The following FUT7 variants were observed in gnomAD, a reference collection of about 807,000 sequenced individuals.
The protein encoded by FUT7 is fucosyltransferase 7, also known as alpha-(1,3)-fucosyltransferase 7.
In FUT7, 2 loss-of-function variants were observed where a neutral mutation model predicts 5.0. The ratio of observed to expected loss-of-function variants is 0.40; its 90% CI spans 0.16 to 1.26. FUT7 has a LOEUF of 1.26. Ranked by LOEUF, FUT7 falls within the 50% of genes most tolerant of loss-of-function variation. FUT7 has a pLI of 0.32. For synonymous variants in FUT7, 218 were observed against 210.6 expected, an observed-to-expected ratio of 1.03 and a Z score of -0.30; for missense variants, 461 against 489.8, an observed-to-expected ratio of 0.94 and a Z score of 0.55.
rs201551388 is a variant in FUT7, at chr9:137,031,738, G to A, written c.14-13C>T. On this transcript the variant is annotated splice_polypyrimidine_tract_variant and intron_variant, in intron 1 of 1. Transcript: ENST00000314412. ...GTGGGGCCGTGCCCTGCAGCAGCAC[G>A]AGGGAGGGGAGGCTCTGTCACTTGG... The A allele has an allele frequency of 2.9e-5, 44 of 1,541,232 alleles. No homozygotes were observed. Among genetic ancestry groups the A allele is most frequent in the South Asian group, 3.6e-5 (3 of 83,982 alleles).
rs971540923 is a variant in FUT7 at position 137,030,535 on chromosome 9, A to G, written c.*175T>C. 11 of 718,952 alleles carry G rather than the reference A, an allele frequency of 1.5e-5. No homozygotes were observed. The highest frequency in any genetic ancestry group is 3.5e-4 in the Middle Eastern group (1 of 2,856). 44.5% of individuals were successfully genotyped at this position (718,952 alleles called of 1,614,324 possible). ...AGCAGGCACCCGTTACCTCCCTCCC[A>G]CTCTCACCTCCTCTGCATGCTCCAG... On this transcript the variant is annotated 3_prime_UTR_variant, in exon 2 of 2. Coordinates refer to ENST00000314412, the MANE Select transcript of FUT7 (RefSeq NM_004479.4).
Position 137,031,294 on chromosome 9 carries a change from T to C in FUT7, c.445A>G (p.Ile149Val). The C allele has an allele frequency of 6.2e-7, 1 of 1,607,490 alleles. No individual in the cohort carries two copies. Among genetic ancestry groups the C allele is most frequent in the Non-Finnish European group, 8.5e-7 (1 of 1,178,304 alleles). ...WVLSYRRDSD[I>V]FVPYGRLEPH... is the part of the protein sequence containing the mutation. ...TCCAGGCGGCCATAGGGCACAAAGATGTCCGAGTCGCGCCGGTAGCTCAGC... is the reference window on the plus strand; with the variant it reads ...TCCAGGCGGCCATAGGGCACAAAGACGTCCGAGTCGCGCCGGTAGCTCAGC... The change falls in exon 2 of 2, where the codon ATC becomes GTC. Residue 149 changes from isoleucine (I) to valine (V), a missense_variant. Coordinates refer to ENST00000314412, the MANE Select transcript of FUT7 (RefSeq NM_004479.4).
chr9:137,031,063 G>C lies in FUT7; in HGVS notation c.676C>G (p.Leu226Val). The C allele has an allele frequency of 1.2e-6, 2 of 1,612,846 alleles. No individual in the cohort carries two copies. The highest frequency in any genetic ancestry group is 1.7e-6 in the Non-Finnish European group (2 of 1,179,982). ...CGGTGCTGAGAGTTCTCAAAGGACA[G>C]GTAGAAGCGGTACTGGGCCACGGTG... ...VPTVAQYRFY[L>V]SFENSQHRDY... The change falls in exon 2 of 2, where the codon CTG (leucine) becomes GTG (valine). Residue 226 changes from leucine to valine, a missense_variant. Physicochemically the swap from Leu to Val is conservative, Grantham distance 32 (BLOSUM62 1). Coordinates refer to ENST00000314412, the MANE Select transcript of FUT7 (RefSeq NM_004479.4).
chr9:137,031,081 C>T lies in FUT7; in HGVS notation c.658G>A (p.Ala220Thr). ...AAGGACAGGTAGAAGCGGTACTGGG[C>T]CACGGTGGGCACCAGGCAGCTGGCG... ...LCASCLVPTV[A>T]QYRFYLSFEN... Residue 220 changes from alanine (A) to threonine (T), a missense_variant, in exon 2 of 2, where the codon GCC becomes ACC. Coordinates refer to ENST00000314412, the MANE Select transcript of FUT7 (RefSeq NM_004479.4). The T allele has an allele frequency of 6.2e-7, 1 of 1,612,780 alleles. No individual in the cohort carries two copies. Among genetic ancestry groups the T allele is most frequent in the Non-Finnish European group, 8.5e-7 (1 of 1,179,934 alleles).
Position 137,031,544 on chromosome 9 carries a change from G to A in FUT7, c.195C>T (p.Ser65=), listed in dbSNP as rs752450622. ...PFTDQPPELP[S]DTCTRYGIAR... Reference sequence around the variant, plus strand: ...CGATGCCGTAGCGGGTGCAGGTGTCGCTGGGCAGCTCTGGGGGCTGGTCAG... The same window carrying A: ...CGATGCCGTAGCGGGTGCAGGTGTCACTGGGCAGCTCTGGGGGCTGGTCAG... The change falls in exon 2 of 2, where the codon AGC becomes AGT. Residue 65 remains serine (S), a synonymous_variant. Transcript: ENST00000314412. 3.5e-5 allele frequency: 54 copies of A among 1,563,074 alleles called. No homozygotes were observed. Among genetic ancestry groups the A allele is most frequent in the Non-Finnish European group, 4.2e-5 (49 of 1,155,168 alleles).
rs1156355569 is a variant in FUT7 at position 137,031,607 on chromosome 9, C to G, written c.132G>C (p.Gln44His). The G allele has an allele frequency of 1.3e-6, 2 of 1,564,268 alleles. No individual in the cohort carries two copies. The highest frequency in any genetic ancestry group is 1.7e-6 in the Non-Finnish European group (2 of 1,156,044). The part of the protein sequence containing the change: ...GSAPRGTPAP[Q>H]PTITILVWHW... ...GCCAGACAAGGATGGTGATCGTGGG[C>G]TGGGGTGCCGGGGTACCCCGAGGGG... Residue 44 changes from glutamine to histidine, a missense_variant, in exon 2 of 2, where the codon CAG becomes CAC. Physicochemically the swap from Gln to His is conservative, Grantham distance 24. Coordinates refer to ENST00000314412, the MANE Select transcript of FUT7 (RefSeq NM_004479.4).
In FUT7 at chr9:137,031,117, G is replaced by A. The variant is rs748875579; in HGVS notation, c.622C>T (p.Arg208Trp). 44 of 1,612,580 alleles carry A rather than the reference G, an allele frequency of 2.7e-5. No homozygotes were observed. The highest frequency in any genetic ancestry group is 9.3e-5 in the African/African-American group (7 of 74,958). Residue 208 changes from arginine (R) to tryptophan (W), a missense_variant, in exon 2 of 2, where the codon CGG becomes TGG. Coordinates refer to ENST00000314412, the MANE Select transcript of FUT7 (RefSeq NM_004479.4). ...ACCAGGCAGCTGGCGCACAGTGGCC[G>A]TCCATTGGCACGGCCAAAGACATCC... ...RVDVFGRANG[R>W]PLCASCLVPT...
chr9:137,031,669 G>A lies in FUT7; in HGVS notation c.70C>T (p.Leu24Phe). ...GLGVLAGVAL[L>F]AALWLLWLLG... ...AGCCACAGGAGCCAGAGGGCAGCGA[G>A]CAGAGCCACCCCGGCCAGGACCCCC... Residue 24 changes from leucine to phenylalanine, a missense_variant, in exon 2 of 2, where the codon CTC becomes TTC. Transcript: ENST00000314412. The A allele has an allele frequency of 6.4e-7, 1 of 1,551,652 alleles. No individual in the cohort carries two copies. The highest frequency in any genetic ancestry group is 8.7e-7 in the Non-Finnish European group (1 of 1,148,898).
chr9:137,031,335 C>T lies in FUT7; in HGVS notation c.404G>A (p.Gly135Asp), dbSNP rs139374436. The change falls in exon 2 of 2, where the codon GGC (glycine) becomes GAC (aspartate). Residue 135 changes from glycine (G) to aspartate (D), a missense_variant. Transcript: ENST00000314412. ...SHTHGLSHLR[G>D]IFNWVLSYRR... The stretch of plus-strand genomic sequence containing the variant: ...GTAGCTCAGCACCCAGTTGAAGATG[C>T]CTCGGAGGTGGCTGAGGCCGTGGGT... 1 of 1,605,192 alleles carries T rather than the reference C, an allele frequency of 6.2e-7. No individual in the cohort carries two copies. The highest frequency in any genetic ancestry group is 1.7e-5 in the Admixed American group (1 of 59,152).
chr9:137,031,352 G>A lies in FUT7; in HGVS notation c.387C>T (p.Gly129=), dbSNP rs375687788. Residue 129 remains glycine, a synonymous_variant, in exon 2 of 2, where the codon GGC becomes GGT. Coordinates refer to ENST00000314412, the MANE Select transcript of FUT7 (RefSeq NM_004479.4). The stretch of plus-strand genomic sequence containing the variant: ...TGAAGATGCCTCGGAGGTGGCTGAG[G>A]CCGTGGGTGTGGCTAGGAGACTCCA... ...ASMESPSHTH[G]LSHLRGIFNW... 2 of 1,600,490 alleles carry A rather than the reference G, an allele frequency of 1.2e-6. No individual in the cohort carries two copies. Among genetic ancestry groups the A allele is most frequent in the Non-Finnish European group, 1.7e-6 (2 of 1,175,224 alleles).
chr9:137,031,256 C>T lies in FUT7; in HGVS notation c.483G>A (p.Gly161=). 1 of 1,608,084 alleles carries T rather than the reference C, an allele frequency of 6.2e-7. No individual in the cohort carries two copies. Among genetic ancestry groups the T allele is most frequent in the South Asian group, 1.1e-5 (1 of 90,958 alleles). Residue 161 remains glycine, a synonymous_variant, in exon 2 of 2, where the codon GGG becomes GGA. Transcript: ENST00000314412. ...VPYGRLEPHW[G]PSPPLPAKSR... ...TCTTGGCTGGCAGCGGTGGCGAGGG[C>T]CCCCAGTGGGGCTCCAGGCGGCCAT...
In FUT7 at chr9:137,031,620, G is replaced by T. The variant is rs1381290389; in HGVS notation, c.119C>A (p.Thr40Asn). The T allele has an allele frequency of 1.9e-6, 3 of 1,559,606 alleles. No individual in the cohort carries two copies. The highest frequency in any genetic ancestry group is 1.7e-6 in the Non-Finnish European group (2 of 1,153,408). ...LWLLGSAPRGTPAPQPTITIL... is the reference protein window; with the variant it reads ...LWLLGSAPRGNPAPQPTITIL... ...GGTGATCGTGGGCTGGGGTGCCGGG[G>T]TACCCCGAGGGGCTGACCCCAGCAG... is the stretch of plus-strand genomic sequence containing the variant. Residue 40 changes from threonine (T) to asparagine (N), a missense_variant, in exon 2 of 2, where the codon ACC (threonine) becomes AAC (asparagine). Coordinates refer to ENST00000314412, the MANE Select transcript of FUT7 (RefSeq NM_004479.4).
At position 137,030,441 on chromosome 9, in the gene FUT7, C is replaced by T. The variant is rs566318358; in HGVS notation, c.*269G>A. On this transcript the variant is annotated 3_prime_UTR_variant, in exon 2 of 2. Transcript: ENST00000314412. ...TGCCTTTCACCCTCTTCCAGCCAGG[C>T]CTTCACCCACCCAAGATTTGTTCAG... 9.4e-6 allele frequency: 5 copies of T among 529,380 alleles called. No homozygotes were observed. Among genetic ancestry groups the T allele is most frequent in the Non-Finnish European group, 1.7e-5 (5 of 290,192 alleles). The allele number at this position is 529,380 out of a possible 1,614,324, so 32.8% of individuals were successfully genotyped here.
rs748976701 is a variant in FUT7, at chr9:137,030,821, G to A, written c.918C>T (p.Arg306=). ...CCCGCCAGTCGGTGAACAGTCGCACGCGGAGCCTGTCACGCCAGGCAAAGA... is the reference window on the plus strand; with the variant it reads ...CCCGCCAGTCGGTGAACAGTCGCACACGGAGCCTGTCACGCCAGGCAAAGA... ...QRFFAWRDRL[R]VRLFTDWRER... Residue 306 remains arginine, a synonymous_variant, in exon 2 of 2, where the codon CGC becomes CGT. Coordinates refer to ENST00000314412, the MANE Select transcript of FUT7 (RefSeq NM_004479.4). 4.3e-6 allele frequency: 7 copies of A among 1,612,716 alleles called. No individual in the cohort carries two copies. The highest frequency in any genetic ancestry group is 2.2e-5 in the South Asian group (2 of 91,096).
Position 137,031,973 on chromosome 9 carries a change from A to G in FUT7, c.13+6T>C. 1 of 1,612,390 alleles carries G rather than the reference A, an allele frequency of 6.2e-7. No homozygotes were observed. The stretch of plus-strand genomic sequence containing the variant: ...GCTTGGGCCTCCCCGAGGGCCAGAC[A>G]CTCACCAGCATTATTCATCCACAGT... On this transcript the variant is annotated splice_donor_region_variant and intron_variant, in intron 1 of 1. Coordinates refer to ENST00000314412, the MANE Select transcript of FUT7 (RefSeq NM_004479.4).
rs778814402 is a variant in FUT7 at position 137,030,996 on chromosome 9, G to T, written c.743C>A (p.Ala248Asp). The T allele has an allele frequency of 6.2e-7, 1 of 1,612,880 alleles. No individual in the cohort carries two copies. Among genetic ancestry groups the T allele is most frequent in the Non-Finnish European group, 8.5e-7 (1 of 1,180,018 alleles). ...CCCCAGCACCACTGGCACAGTGCCA[G>T]CCACCAGTGCGTTGCGCCAGAATTT... ...TEKFWRNALVAGTVPVVLGPP... is the reference protein window; with the variant it reads ...TEKFWRNALVDGTVPVVLGPP... Residue 248 changes from alanine (A) to aspartate (D), a missense_variant, in exon 2 of 2, where the codon GCT (alanine) becomes GAT (aspartate). Ala to Asp is a moderately radical substitution (Grantham distance 126, BLOSUM62 -2). Transcript: ENST00000314412.
In FUT7 at chr9:137,031,251, G is replaced by C; in HGVS notation, c.488C>G (p.Ser163Trp). 1 of 1,608,384 alleles carries C rather than the reference G, an allele frequency of 6.2e-7. No homozygotes were observed. Among genetic ancestry groups the C allele is most frequent in the Non-Finnish European group, 8.5e-7 (1 of 1,178,796 alleles). The change falls in exon 2 of 2, where the codon TCG becomes TGG. Residue 163 changes from serine (S) to tryptophan (W), a missense_variant. Physicochemically the swap from Ser to Trp is radical, Grantham distance 177. Coordinates refer to ENST00000314412, the MANE Select transcript of FUT7 (RefSeq NM_004479.4). ...YGRLEPHWGP[S>W]PPLPAKSRVA... ...CCTGCTCTTGGCTGGCAGCGGTGGCGAGGGCCCCCAGTGGGGCTCCAGGCG... is the reference window on the plus strand; with the variant it reads ...CCTGCTCTTGGCTGGCAGCGGTGGCCAGGGCCCCCAGTGGGGCTCCAGGCG...
rs1482709184 is a variant in FUT7, at chr9:137,030,476, G to A, written c.*234C>T. 1.7e-6 allele frequency: 1 copy of A among 597,682 alleles called. No individual in the cohort carries two copies. Among genetic ancestry groups the A allele is most frequent in the Admixed American group, 2.8e-5 (1 of 36,126 alleles). The allele number at this position is 597,682 out of a possible 1,614,324, so 37.0% of individuals were successfully genotyped here. ...CCCAAGATTTGTTCAGGGTGGGGAGGGTCCTCGGCAGCCTTTCCCCTCCCG... is the reference window on the plus strand; with the variant it reads ...CCCAAGATTTGTTCAGGGTGGGGAGAGTCCTCGGCAGCCTTTCCCCTCCCG... On this transcript the variant is annotated 3_prime_UTR_variant, in exon 2 of 2. Coordinates refer to ENST00000314412, the MANE Select transcript of FUT7 (RefSeq NM_004479.4).
intron 1 of FUT7, 68 bp from the exon 2 acceptor site, chr9:137,031,793 C>T (rs1049812504): frequency 7.9e-5 from 120 of 1,524,464 alleles, no homozygotes; most frequent in Non-Finnish European, 9.9e-5. Context: ...CCCCACTCAG[C>T]GCCAACCCCG....
Sources: gnomAD v4.1 joint callset for allele counts on GRCh38, gnomAD v4.1.1 for gene constraint, MANE v1.5 for transcripts, NCBI Gene and HGNC (gene_info 2026-07-23, HGNC 2026-07-21) for gene names.